The following TEAD1 variants were observed in gnomAD, a reference collection of about 807,000 sequenced individuals.
The protein encoded by TEAD1 is transcriptional enhancer factor TEF-1.
In TEAD1, 9 loss-of-function variants were observed where a neutral mutation model predicts 54.9. The ratio of observed to expected loss-of-function variants is 0.16; its 90% CI spans 0.10 to 0.29. The LOEUF (loss-of-function observed/expected upper bound fraction) is 0.29, where lower values mean the gene tolerates loss of function less well. Among genes scored for constraint, TEAD1 ranks in the 10% least tolerant of loss-of-function variants. TEAD1 has a pLI of 1.00. For synonymous variants in TEAD1, 200 were observed against 187.8 expected (o/e 1.07, Z -0.53); for missense variants, 387 against 535.9 (o/e 0.72, Z 2.74).
intron 3 of TEAD1, among the ~76,000 whole-genome samples, chr11:12,770,857 G>C (rs1945297977): frequency 6.6e-6 from 1 of 152,238 alleles, no homozygotes; most frequent in Non-Finnish European, 1.5e-5. Context: ...GAATGAAAGA[G>C]AGCATGAGAC....
At chr11:12,861,952 C>T (rs1947512314) in intron 3 of TEAD1, among the ~76,000 whole-genome samples, 1 of 150,668 alleles carries the variant, frequency 6.6e-6, no homozygotes, top group African/African-American at 2.4e-5. Context: ...TGCCATTGCA[C>T]TCCAGCCTGG....
chr11:12,728,212 T>C (rs1209631466), intron 2 of TEAD1, among the ~76,000 whole-genome samples: 1 of 152,162 alleles, frequency 6.6e-6, no homozygotes, highest in Non-Finnish European at 1.5e-5. Flanking sequence ...AGGAGGGAGC[T>C]AAGGGACAGT....
At chr11:12,907,724 A>G (rs1415191582) in intron 10 of TEAD1, among the ~76,000 whole-genome samples, 4 of 152,194 alleles carry the variant, frequency 2.6e-5, no homozygotes, top group Admixed American at 2.0e-4. Context: ...TGTGAGATAC[A>G]TGTGATGAGT....
At chr11:12,898,425 C>T (rs930161955) in intron 9 of TEAD1, among the ~76,000 whole-genome samples, 2 of 148,104 alleles carry the variant, frequency 1.4e-5, no homozygotes, top group Admixed American at 1.3e-4. Context: ...GACGGAGTAT[C>T]TCTCTGATGC....
At chr11:12,682,493 G>C (rs1371143671) in intron 2 of TEAD1, among the ~76,000 whole-genome samples, 1 of 152,210 alleles carries the variant, frequency 6.6e-6, no homozygotes, top group Non-Finnish European at 1.5e-5. Flanking sequence ...GATGCTCCTA[G>C]AGGTCGTTGG....
At chr11:12,783,892 G>C (rs1945618636) in intron 3 of TEAD1, among the ~76,000 whole-genome samples, 1 of 152,146 alleles carries the variant, frequency 6.6e-6, no homozygotes, top group South Asian at 2.1e-4. Flanking sequence ...CGAACAGTAA[G>C]ATTAGAGGTT....
chr11:12,789,715 T>C (rs1004296098), intron 3 of TEAD1, among the ~76,000 whole-genome samples: 1 of 152,188 alleles, frequency 6.6e-6, no homozygotes, highest in Non-Finnish European at 1.5e-5. Context: ...AGCATGGATA[T>C]GTATGGAGAG....
At chr11:12,702,435 A>C (rs561275398) in intron 2 of TEAD1, among the ~76,000 whole-genome samples, 7 of 152,236 alleles carry the variant, frequency 4.6e-5, no homozygotes, top group African/African-American at 1.2e-4. Context: ...TCTTAAATGT[A>C]CCGTAGCCAA....
In TEAD1 at chr11:12,764,185, T is replaced by A; in HGVS notation, c.-48T>A. The A allele has an allele frequency of 6.3e-7, 1 of 1,590,814 alleles. No homozygotes were observed. Among genetic ancestry groups the A allele is most frequent in the Non-Finnish European group, 8.5e-7 (1 of 1,171,710 alleles). On this transcript the variant is annotated 5_prime_UTR_variant, in exon 3 of 13. Coordinates refer to ENST00000527636, the MANE Select transcript of TEAD1 (RefSeq NM_021961.6). ...TTTTGGTTTTCTCTTCTAGGTTTATTTTCTTGAAAAGGCTCCAGGCTTCGG... is the reference window on the plus strand; with the variant it reads ...TTTTGGTTTTCTCTTCTAGGTTTATATTCTTGAAAAGGCTCCAGGCTTCGG...
intron 9 of TEAD1, among the ~76,000 whole-genome samples, chr11:12,899,211 C>T (rs551185173): frequency 1.1e-4 from 17 of 152,220 alleles, no homozygotes; most frequent in African/African-American, 3.6e-4. Flanking sequence ...AGAAGCGGTG[C>T]CTTCTGGAAC....
chr11:12,758,405 G>GT (rs1200374096), intron 2 of TEAD1, among the ~76,000 whole-genome samples: 7,611 of 85,624 alleles, frequency 0.089, 716 homozygotes, highest in African/African-American at 0.14. Flanking sequence ...CGCCCAGCTA[G>GT]TTTTTTTTTT....
At chr11:12,838,444 T>C (rs1946952447) in intron 3 of TEAD1, among the ~76,000 whole-genome samples, 1 of 152,238 alleles carries the variant, frequency 6.6e-6, no homozygotes, top group Non-Finnish European at 1.5e-5. Context: ...ATATCTGAAT[T>C]GGTTTTCTTT....
At chr11:12,744,203 T>C (rs537742530) in intron 2 of TEAD1, among the ~76,000 whole-genome samples, 4 of 152,296 alleles carry the variant, frequency 2.6e-5, no homozygotes, top group Non-Finnish European at 5.9e-5. Context: ...GAAAATACTG[T>C]GTATACAGTG....
At chr11:12,718,390 A>G (rs1323902065) in intron 2 of TEAD1, among the ~76,000 whole-genome samples, 1 of 152,132 alleles carries the variant, frequency 6.6e-6, no homozygotes, top group African/African-American at 2.4e-5. Context: ...ATGAAAGTCA[A>G]AGTGCTTTGC....
At chr11:12,730,517 T>C (rs1312565590) in intron 2 of TEAD1, among the ~76,000 whole-genome samples, 1 of 145,218 alleles carries the variant, frequency 6.9e-6, no homozygotes, top group Non-Finnish European at 1.5e-5. Context: ...TGATTGAGAA[T>C]TGAACTTGTA....
chr11:12,849,550 C>T (rs1264507234), intron 3 of TEAD1: 1 of 152,192 alleles, frequency 6.6e-6, no homozygotes, highest in African/African-American at 2.4e-5. Context: ...AGCAGCAAGT[C>T]ATCCCTGAGC....
intron 7 of TEAD1, among the ~76,000 whole-genome samples, chr11:12,881,528 C>A (rs918214121): frequency 2.6e-5 from 4 of 152,164 alleles, no homozygotes; most frequent in Non-Finnish European, 5.9e-5. Flanking sequence ...TGCCTATATG[C>A]TGTAAAAAAA....
chr11:12,867,805 A>T (rs1947653548), intron 5 of TEAD1, among the ~76,000 whole-genome samples: 1 of 152,160 alleles, frequency 6.6e-6, no homozygotes, highest in Non-Finnish European at 1.5e-5. Context: ...ATCCCAAAAG[A>T]CAACAAGGAT....
intron 3 of TEAD1, among the ~76,000 whole-genome samples, chr11:12,848,497 A>G (rs1316887737): frequency 6.6e-6 from 1 of 152,208 alleles, no homozygotes; most frequent in Non-Finnish European, 1.5e-5. Context: ...AGGAACTTGG[A>G]AGACAAAGCT....
Sources: gnomAD v4.1 joint callset for allele counts (sites outside exome capture counted in the v4.1 genomes callset) on GRCh38, gnomAD v4.1.1 for gene constraint, MANE v1.5 for transcripts, NCBI Gene and HGNC (gene_info 2026-07-23, HGNC 2026-07-21) for gene names.